MTHFD1L: variants seen among roughly 807,000 people sequenced by gnomAD.
MTHFD1L encodes the protein monofunctional C1-tetrahydrofolate synthase, mitochondrial.
Under a neutral mutation model 119.5 loss-of-function variants are expected in MTHFD1L, and 81 were observed. That is an observed-to-expected ratio of 0.68 (90% CI 0.57 to 0.82). The LOEUF (loss-of-function observed/expected upper bound fraction) is 0.82, where lower values mean the gene tolerates loss of function less well. MTHFD1L is among the 40% of genes least tolerant of loss of function. The pLI is 0.00. For synonymous variants in MTHFD1L, 430 were observed against 475.2 expected (o/e 0.90, Z 1.24); for missense variants, 1,125 against 1,253.4 (o/e 0.90, Z 1.55).
chr6:150,918,437 G>A, intron 8 of MTHFD1L, 140 bp from the exon 9 acceptor site: 1 of 667,606 alleles, frequency 1.5e-6, no homozygotes, highest in Non-Finnish European at 2.7e-6. Context: ...GAGGTGACCA[G>A]TCTGCAGCCG....
chr6:151,071,695 A>C (rs1718470398), intron 26 of MTHFD1L, among the ~76,000 whole-genome samples: 1 of 152,198 alleles, frequency 6.6e-6, no homozygotes, highest in Admixed American at 6.5e-5. Context: ...CAGTAACTAA[A>C]GAATCCTCTT....
intron 26 of MTHFD1L, among the ~76,000 whole-genome samples, chr6:151,057,037 A>G (rs181159130): frequency 6.6e-6 from 1 of 152,288 alleles, no homozygotes; most frequent in East Asian, 1.9e-4. Context: ...TGCCTTCTCC[A>G]TATGAACCAG....
chr6:151,090,490 A>G (rs992735430), intron 26 of MTHFD1L, among the ~76,000 whole-genome samples: 10 of 152,252 alleles, frequency 6.6e-5, no homozygotes, highest in African/African-American at 2.4e-4. Flanking sequence ...GGTAATGCCC[A>G]TGCACAGGCC....
chr6:150,974,000 A>C (rs1776176259), intron 20 of MTHFD1L, among the ~76,000 whole-genome samples: 1 of 152,230 alleles, frequency 6.6e-6, no homozygotes, highest in Admixed American at 6.5e-5. Flanking sequence ...CAATTATACT[A>C]ATTCTTTCTA....
intron 8 of MTHFD1L, among the ~76,000 whole-genome samples, chr6:150,915,579 T>C (rs1787716842): frequency 6.6e-6 from 1 of 152,158 alleles, no homozygotes; most frequent in Non-Finnish European, 1.5e-5. Flanking sequence ...TCCTGGAATG[T>C]AACTTTTTCT....
At position 150,876,114 on chromosome 6, in the gene MTHFD1L, A is replaced by C; in HGVS notation, c.252A>C (p.Glu84Asp). 7 of 1,607,812 alleles carry C rather than the reference A, an allele frequency of 4.4e-6. No homozygotes were observed. The highest frequency in any genetic ancestry group is 5.1e-6 in the Non-Finnish European group (6 of 1,177,326). Residue 84 changes from glutamate to aspartate, a missense_variant, in exon 2 of 28, where the codon GAA (glutamate) becomes GAC (aspartate). Around this residue, in one of 3 missense-constraint regions of MTHFD1L, gnomAD observed 1,058 missense variants for 1,151.2 expected, o/e 0.92. Transcript: ENST00000367321. ...IVREVIQNSK[E>D]VLSLLQEKNP... is the part of the protein sequence containing the mutation. ...GAGAAGTCATTCAGAATTCAAAAGA[A>C]GTTCTAAGTTTATTGCAAGAAAAAA...
At chr6:150,945,440 G>A in intron 14 of MTHFD1L, 27 bp from the exon 15 acceptor site, 5 of 1,583,736 alleles carry the variant, frequency 3.2e-6, no homozygotes, top group Non-Finnish European at 4.3e-6. Context: ...ACTTTTGTGT[G>A]GTCTCATTTT....
At chr6:150,995,127 A>G (rs1779643765) in intron 20 of MTHFD1L, among the ~76,000 whole-genome samples, 1 of 152,126 alleles carries the variant, frequency 6.6e-6, no homozygotes, top group South Asian at 2.1e-4. Flanking sequence ...GATGGCAATT[A>G]TAACAAATTA....
At chr6:151,033,634 A>G (rs909556799) in intron 24 of MTHFD1L, among the ~76,000 whole-genome samples, 5 of 152,132 alleles carry the variant, frequency 3.3e-5, no homozygotes, top group African/African-American at 1.2e-4. Flanking sequence ...GCCTGTATCT[A>G]GTCTTCTCAC....
intron 20 of MTHFD1L, among the ~76,000 whole-genome samples, chr6:150,988,209 T>A (rs957162592): frequency 6.6e-6 from 1 of 152,240 alleles, no homozygotes. Flanking sequence ...ACTGAAGTTT[T>A]GAAATTCATA....
At chr6:151,095,956 G>C (rs935346306) in intron 27 of MTHFD1L, among the ~76,000 whole-genome samples, 3 of 152,216 alleles carry the variant, frequency 2.0e-5, no homozygotes, top group African/African-American at 7.2e-5. Context: ...ACTCTGCCCA[G>C]AGAAGTCGAC....
At chr6:150,880,677 A>C (rs1039012274) in intron 4 of MTHFD1L, among the ~76,000 whole-genome samples, 4 of 152,214 alleles carry the variant, frequency 2.6e-5, no homozygotes, top group Admixed American at 2.0e-4. Flanking sequence ...AGAAATCTTC[A>C]TACTGTTTTC....
chr6:150,953,120 T>G (rs114286373), intron 16 of MTHFD1L, among the ~76,000 whole-genome samples: 1,604 of 152,146 alleles, frequency 0.011, 37 homozygotes, highest in African/African-American at 0.037. Flanking sequence ...AACCATCAAG[T>G]GGCTGGTTCC....
intron 13 of MTHFD1L, among the ~76,000 whole-genome samples, chr6:150,942,008 C>T (rs1189562056): frequency 3.3e-5 from 5 of 152,214 alleles, no homozygotes; most frequent in African/African-American, 1.2e-4. Flanking sequence ...CCTGTAATCC[C>T]AGCACTTTGG....
chr6:150,946,803 C>T (rs1015422238), intron 15 of MTHFD1L, among the ~76,000 whole-genome samples: 2 of 151,940 alleles, frequency 1.3e-5, no homozygotes, highest in Admixed American at 6.6e-5. Flanking sequence ...TTGCCAGGCA[C>T]AGTGGCTCAC....
At chr6:150,920,340 C>T (rs527598120) in intron 9 of MTHFD1L, among the ~76,000 whole-genome samples, 2 of 152,282 alleles carry the variant, frequency 1.3e-5, no homozygotes, top group South Asian at 4.1e-4. Context: ...CATCAGTGTT[C>T]CACCATATAA....
rs535293693 is a variant in MTHFD1L, at chr6:150,947,297, G to A, written c.1624-1734G>A. ...TTTAGTAGAGAAGGGGCTTCACCAT[G>A]TTGGCCAGGCTGGTCTCGAACTCCT... On this transcript the variant is annotated intron_variant, in intron 15 of 27. Coordinates refer to ENST00000367321, the MANE Select transcript of MTHFD1L (RefSeq NM_015440.5). Among the ~76,000 whole-genome samples the A allele has an allele frequency of 4.4e-4, 66 of 151,354 alleles. 2 individuals carry two copies. Among genetic ancestry groups the A allele is most frequent in the Admixed American group, 3.0e-3 (46 of 15,224 alleles).
At chr6:150,893,244 T>C (rs1441786944) in intron 7 of MTHFD1L, among the ~76,000 whole-genome samples, 3 of 152,042 alleles carry the variant, frequency 2.0e-5, no homozygotes, top group African/African-American at 7.2e-5. Context: ...TTTATATTTT[T>C]AGTAGAGATG....
chr6:151,087,913 CAAGT>C (rs1201917918), intron 26 of MTHFD1L, among the ~76,000 whole-genome samples: 4 of 152,320 alleles, frequency 2.6e-5, no homozygotes, highest in Admixed American at 2.6e-4. Flanking sequence ...TGCAGCATTA[CAAGT>C]AAGTGTAATT....
Sources: gnomAD v4.1 joint callset for allele counts (sites outside exome capture counted in the v4.1 genomes callset) on GRCh38, gnomAD v4.1.1 for gene constraint, gnomAD v4.1.1 regional missense constraint, MANE v1.5 for transcripts, NCBI Gene and HGNC (gene_info 2026-07-23, HGNC 2026-07-21) for gene names.